RABGAP1L: variants seen among roughly 807,000 people sequenced by gnomAD.
The protein encoded by RABGAP1L is RAB GTPase activating protein 1 like.
Under a neutral mutation model 137.7 loss-of-function variants are expected in RABGAP1L, and 63 were observed. That is an observed-to-expected ratio of 0.46 (90% CI 0.37 to 0.56). The LOEUF is 0.56. RABGAP1L is among the 20% of genes least tolerant of loss of function. RABGAP1L has a pLI of 0.00. For missense variants in RABGAP1L, 1,095 were observed against 1,244.0 expected (o/e 0.88, Z 1.80); for synonymous variants, 431 against 433.7 (o/e 0.99, Z 0.08).
At chr1:174,665,490 C>T (rs1367118243) in intron 14 of RABGAP1L, among the ~76,000 whole-genome samples, 1 of 137,910 alleles carries the variant, frequency 7.3e-6, no homozygotes, top group Non-Finnish European at 1.5e-5. Flanking sequence ...TCCTCTTGCT[C>T]TGTTGCCCAT....
chr1:174,988,871 A>G (rs1671832516), intron 25 of RABGAP1L, 33 bp downstream of exon 25: 1 of 1,512,656 alleles, frequency 6.6e-7, no homozygotes. Context: ...AAGAAGAAAG[A>G]ATAAACAATT....
intron 11 of RABGAP1L, among the ~76,000 whole-genome samples, chr1:174,337,448 C>A (rs530581140): frequency 6.6e-6 from 1 of 152,166 alleles, no homozygotes; most frequent in South Asian, 2.1e-4. Context: ...GAGAGGCAGA[C>A]TGAAAGCAGG....
chr1:174,650,105 T>C (rs2148385924), intron 14 of RABGAP1L, among the ~76,000 whole-genome samples: 1 of 152,310 alleles, frequency 6.6e-6, no homozygotes, highest in South Asian at 2.1e-4. Context: ...GTGGTTTTTA[T>C]CTTTGGTTCT....
At chr1:174,251,268 T>TA (rs1672691302) in intron 6 of RABGAP1L, among the ~76,000 whole-genome samples, 5 of 152,088 alleles carry the variant, frequency 3.3e-5, no homozygotes, top group Admixed American at 2.6e-4. Flanking sequence ...TGTATATATA[T>TA]ACCTTTTTTT....
At chr1:174,773,163 G>GGTGTGTGTGTGT (rs9286899) in intron 18 of RABGAP1L, among the ~76,000 whole-genome samples, 15,365 of 149,586 alleles carry the variant, frequency 0.1, 930 homozygotes, top group East Asian at 0.31. Context: ...TAAGCTATGG[G>GGTGTGTGTGTGT]GTGTGTGTGT....
chr1:174,887,086 C>T (rs748510964), intron 19 of RABGAP1L, among the ~76,000 whole-genome samples: 4 of 151,882 alleles, frequency 2.6e-5, no homozygotes, highest in Non-Finnish European at 5.9e-5. Context: ...ATTATAGGCG[C>T]GAGCCACCAC....
Position 174,364,243 on chromosome 1 carries a change from CTTTTTTTTT to C in RABGAP1L, c.1466-6715_1466-6707del, listed in dbSNP as rs1054313083. ...TTGTTCTGTTCAGCTTTTGGATTTC[CTTTTTTTTT>C]TTTTTTTTTTTTTTTTTTTTGAGAC... On this transcript the variant is annotated intron_variant, in intron 11 of 25. Coordinates refer to ENST00000681986, the MANE Select transcript of RABGAP1L (RefSeq NM_001366446.1). 1.1e-3 allele frequency among the ~76,000 whole-genome samples: 91 copies of C among 81,166 alleles called. 2 individuals are homozygous for C. In the South Asian group the frequency reaches 0.013, roughly 11 times the overall value. The allele number at this position is 81,166 out of a possible 152,430, so 53.2% of individuals were successfully genotyped here. A position where few individuals can be genotyped will look rare whatever the true frequency, so the allele number is the denominator to read the frequency against.
intron 14 of RABGAP1L, among the ~76,000 whole-genome samples, chr1:174,639,729 T>C (rs1385691293): frequency 6.6e-6 from 1 of 152,102 alleles, no homozygotes; most frequent in Admixed American, 6.6e-5. Context: ...TTATGTAATA[T>C]TTAGAGGGGA....
At chr1:174,497,914 G>A (rs182009597) in intron 13 of RABGAP1L, among the ~76,000 whole-genome samples, 2 of 123,160 alleles carry the variant, frequency 1.6e-5, no homozygotes, top group African/African-American at 6.8e-5. Flanking sequence ...GACAGTGACT[G>A]TCTTCAAATT....
chr1:174,814,269 T>C (rs1358133275), intron 19 of RABGAP1L, among the ~76,000 whole-genome samples: 1 of 152,166 alleles, frequency 6.6e-6, no homozygotes, highest in Non-Finnish European at 1.5e-5. Flanking sequence ...TTTAAAGCTT[T>C]TAATAAGATT....
Position 174,958,322 on chromosome 1 carries a change from G to A in RABGAP1L, c.2433+773G>A, listed in dbSNP as rs540153870. 1.6e-3 allele frequency: 1,167 copies of A among 731,860 alleles called. 6 individuals are homozygous for A. The highest frequency in any genetic ancestry group is 2.0e-3 in the Non-Finnish European group (1,070 of 525,486). The allele number at this position is 731,860 out of a possible 1,614,324, so 45.3% of individuals were successfully genotyped here. A position where few individuals can be genotyped will look rare whatever the true frequency, so the allele number is the denominator to read the frequency against. ...TTCGTTAATTGTGAATCTCTTCAAT[G>A]GTAATTAGCAACACTGTTCCCAGGA... On this transcript the variant is annotated intron_variant, in intron 20 of 25. Coordinates refer to ENST00000681986, the MANE Select transcript of RABGAP1L (RefSeq NM_001366446.1).
chr1:174,892,745 T>TG, intron 19 of RABGAP1L: 1 of 459,318 alleles, frequency 2.2e-6, no homozygotes, highest in South Asian at 1.6e-5. Flanking sequence ...TTTTTTTTTT[T>TG]TGTGATGGAG....
intron 3 of RABGAP1L, among the ~76,000 whole-genome samples, chr1:174,230,510 G>A (rs528136336): frequency 6.6e-6 from 1 of 152,276 alleles, no homozygotes; most frequent in Non-Finnish European, 1.5e-5. Flanking sequence ...AATTGACATT[G>A]TGAGGATGAG....
intron 13 of RABGAP1L, among the ~76,000 whole-genome samples, chr1:174,419,937 A>C (rs977169498): frequency 6.6e-6 from 1 of 152,164 alleles, no homozygotes; most frequent in Non-Finnish European, 1.5e-5. Flanking sequence ...GAGGCATTTA[A>C]ATTTTCCATT....
chr1:174,608,594 C>A (rs1557893371), intron 13 of RABGAP1L, among the ~76,000 whole-genome samples: 1 of 152,080 alleles, frequency 6.6e-6, no homozygotes, highest in Non-Finnish European at 1.5e-5. Flanking sequence ...ATCATTCAGA[C>A]AGAGGAAATT....
At chr1:174,494,572 G>C (rs1421801310) in intron 13 of RABGAP1L, among the ~76,000 whole-genome samples, 1 of 152,190 alleles carries the variant, frequency 6.6e-6, no homozygotes, top group Non-Finnish European at 1.5e-5. Context: ...CTATTTAGAT[G>C]ATTAAAGTTA....
chr1:174,614,985 T>TG (rs1235426239), intron 13 of RABGAP1L, among the ~76,000 whole-genome samples: 1 of 152,216 alleles, frequency 6.6e-6, no homozygotes, highest in Non-Finnish European at 1.5e-5. Flanking sequence ...TTGTCTAAAT[T>TG]TTTTTCAAAG....
intron 13 of RABGAP1L, among the ~76,000 whole-genome samples, chr1:174,524,701 C>T (rs551032385): frequency 3.8e-4 from 54 of 142,950 alleles, no homozygotes; most frequent in Non-Finnish European, 5.2e-4. Context: ...AAGGTCTTAG[C>T]TGTAAAATCT....
chr1:174,188,039 C>A (rs550457205), intron 1 of RABGAP1L, among the ~76,000 whole-genome samples: 1 of 152,224 alleles, frequency 6.6e-6, no homozygotes, highest in South Asian at 2.1e-4. Context: ...TCTTTAATCC[C>A]ACTTTTGTTT....
Sources: gnomAD v4.1 joint callset for allele counts (sites outside exome capture counted in the v4.1 genomes callset) on GRCh38, gnomAD v4.1.1 for gene constraint, MANE v1.5 for transcripts, NCBI Gene and HGNC (gene_info 2026-07-23, HGNC 2026-07-21) for gene names.